IL1RAPL1: variants seen among roughly 807,000 people sequenced by gnomAD.
The protein encoded by IL1RAPL1 is interleukin-1 receptor accessory protein-like 1.
In IL1RAPL1, 3 loss-of-function variants were observed where a neutral mutation model predicts 48.4. The ratio of observed to expected loss-of-function variants is 0.06; its 90% CI spans 0.03 to 0.16. The LOEUF is 0.16. Among genes scored for constraint, IL1RAPL1 ranks in the 10% least tolerant of loss-of-function variants. The pLI is 1.00. For synonymous variants in IL1RAPL1, 185 were observed against 187.7 expected, an observed-to-expected ratio of 0.99 and a Z score of 0.12; for missense variants, 349 against 530.6, an observed-to-expected ratio of 0.66 and a Z score of 3.36.
chrX:29,066,767 G>A (rs938682719), intron 2 of IL1RAPL1, among the ~76,000 whole-genome samples: 1 of 112,143 alleles, frequency 8.9e-6, no homozygotes. Context: ...TTGGGTGGAG[G>A]AGGGGAGCTC....
At chrX:28,892,791 A>G (rs949837534) in intron 2 of IL1RAPL1, among the ~76,000 whole-genome samples, 2 of 110,337 alleles carry the variant, frequency 1.8e-5, no homozygotes, top group Admixed American at 1.9e-4. Flanking sequence ...GTTAGAAGAA[A>G]CATTTGTTGT....
chrX:29,555,009 G>C (rs933993845), intron 5 of IL1RAPL1, among the ~76,000 whole-genome samples: 10 of 112,338 alleles, frequency 8.9e-5, no homozygotes, highest in Non-Finnish European at 1.7e-4. Flanking sequence ...AATCCAGGCA[G>C]GCCTGCAAGT....
intron 2 of IL1RAPL1, among the ~76,000 whole-genome samples, chrX:28,817,788 T>C (rs1936887091): frequency 9.0e-6 from 1 of 111,024 alleles, no homozygotes; most frequent in Non-Finnish European, 1.9e-5. Context: ...CAGGTTCTGC[T>C]AAGCCTCCTC....
intron 5 of IL1RAPL1, among the ~76,000 whole-genome samples, chrX:29,601,060 G>GA (rs1214472209): frequency 4.5e-5 from 5 of 111,617 alleles, no homozygotes; most frequent in Admixed American, 1.9e-4. Flanking sequence ...CTGCAGCAGT[G>GA]ATCGGGTTCC....
chrX:29,142,752 G>A lies in IL1RAPL1; in HGVS notation c.83-140186G>A, dbSNP rs770741622. 2.0e-4 allele frequency among the ~76,000 whole-genome samples: 22 copies of A among 109,782 alleles called. No homozygotes were observed. In the East Asian group the frequency reaches 6.3e-3, roughly 31 times the overall value. ...CTCTTGCTCTGTTGCCCAGGCTGGA[G>A]TGCAGTGGCACTATCTTGGCTCACT... On this transcript the variant is annotated intron_variant, in intron 2 of 10. Coordinates refer to ENST00000378993, the MANE Select transcript of IL1RAPL1 (RefSeq NM_014271.4).
At chrX:29,088,749 T>C (rs757358646) in intron 2 of IL1RAPL1, among the ~76,000 whole-genome samples, 2 of 108,122 alleles carry the variant, frequency 1.8e-5, no homozygotes, top group Non-Finnish European at 3.8e-5. Context: ...TCAGAATAAG[T>C]AGATTTTAAA....
chrX:29,514,899 A>G (rs1935430665), intron 5 of IL1RAPL1, among the ~76,000 whole-genome samples: 1 of 112,839 alleles, frequency 8.9e-6, no homozygotes, highest in Non-Finnish European at 1.9e-5. Flanking sequence ...AACTTCTTTA[A>G]TGCCATAACC....
chrX:28,737,260 T>TTTCTTTCC (rs1935854061), intron 1 of IL1RAPL1, among the ~76,000 whole-genome samples: 1 of 99,657 alleles, frequency 1.0e-5, no homozygotes, highest in East Asian at 3.2e-4. Flanking sequence ...TCTTTCTTTC[T>TTTCTTTCC]TTCTTTCTTT....
At chrX:29,829,558 C>G (rs1409890885) in intron 6 of IL1RAPL1, among the ~76,000 whole-genome samples, 1 of 111,215 alleles carries the variant, frequency 9.0e-6, no homozygotes, top group Non-Finnish European at 1.9e-5. Flanking sequence ...TAATACTGGA[C>G]AGTGTAGTCA....
chrX:29,696,731 G>T (rs1926922564), intron 6 of IL1RAPL1, among the ~76,000 whole-genome samples: 1 of 111,039 alleles, frequency 9.0e-6, no homozygotes, highest in South Asian at 3.8e-4. Context: ...CTAAATCATT[G>T]CTTTCATTTC....
intron 2 of IL1RAPL1, among the ~76,000 whole-genome samples, chrX:28,995,688 C>A (rs779762348): frequency 1.8e-5 from 2 of 111,159 alleles, no homozygotes; most frequent in South Asian, 7.5e-4. Context: ...TGCTATTAGT[C>A]TTCTTAATGC....
chrX:28,872,529 CACTG>C (rs914916036), intron 2 of IL1RAPL1, among the ~76,000 whole-genome samples: 6 of 112,292 alleles, frequency 5.3e-5, no homozygotes, highest in Non-Finnish European at 1.1e-4. Flanking sequence ...ACTCTGGGCC[CACTG>C]CCTAGGAGTT....
At chrX:28,631,555 G>A (rs755656843) in intron 1 of IL1RAPL1, among the ~76,000 whole-genome samples, 2 of 112,399 alleles carry the variant, frequency 1.8e-5, no homozygotes, top group South Asian at 3.6e-4. Flanking sequence ...CCTTCAAACC[G>A]TCATGGTTCC....
intron 6 of IL1RAPL1, among the ~76,000 whole-genome samples, chrX:29,766,342 AATAT>A (rs1555918100): frequency 7.4e-4 from 35 of 47,504 alleles, no homozygotes; most frequent in East Asian, 3.3e-3. Context: ...AAAAAAAAAA[AATAT>A]ATATATATAT....
chrX:29,034,772 G>C (rs1006415082), intron 2 of IL1RAPL1, among the ~76,000 whole-genome samples: 2 of 111,360 alleles, frequency 1.8e-5, no homozygotes, highest in Non-Finnish European at 3.8e-5. Flanking sequence ...TTTTCTTAGA[G>C]GAACTTCTTC....
chrX:29,027,918 CTT>C (rs1177711485), intron 2 of IL1RAPL1, among the ~76,000 whole-genome samples: 12 of 103,115 alleles, frequency 1.2e-4, no homozygotes, highest in African/African-American at 4.0e-4. Context: ...TTTAAGATTT[CTT>C]TTTGTGTGTG....
chrX:29,236,539 T>C (rs1931302377), intron 2 of IL1RAPL1, among the ~76,000 whole-genome samples: 1 of 48,095 alleles, frequency 2.1e-5, no homozygotes, highest in Admixed American at 2.7e-4. Context: ...CTTTTTCTTT[T>C]TTTTTCTTTT....
intron 2 of IL1RAPL1, among the ~76,000 whole-genome samples, chrX:29,032,552 A>AG (rs1926642817): frequency 8.9e-6 from 1 of 112,060 alleles, no homozygotes; most frequent in South Asian, 3.6e-4. Context: ...TGTCTTTGTG[A>AG]GAAAAAAAAA....
chrX:29,027,318 T>A (rs1378898641), intron 2 of IL1RAPL1, among the ~76,000 whole-genome samples: 1 of 112,296 alleles, frequency 8.9e-6, no homozygotes, highest in Admixed American at 9.5e-5. Flanking sequence ...AATTAGCTTT[T>A]TTCACTTAGT....
Sources: allele counts gnomAD v4.1 joint callset (sites outside exome capture counted in the v4.1 genomes callset), GRCh38; gene constraint gnomAD v4.1.1; transcripts MANE v1.5; gene names NCBI Gene and HGNC (gene_info 2026-07-23, HGNC 2026-07-21).